Variants in NOL4 observed in about 807,000 individuals in gnomAD.
The protein encoded by NOL4 is cancer/testis antigen 125.
Under a neutral mutation model 75.9 loss-of-function variants are expected in NOL4, and 17 were observed. That is an observed-to-expected ratio of 0.22 (90% CI 0.15 to 0.34). NOL4 has a LOEUF of 0.34. Ranked by LOEUF, NOL4 falls within the 10% of genes least tolerant of loss-of-function variation. The pLI is 1.00. For synonymous variants in NOL4, 292 were observed against 289.9 expected (o/e 1.01, Z -0.07); for missense variants, 614 against 793.5 (o/e 0.77, Z 2.72).
At chr18:33,906,704 C>CT (rs1194201494) in intron 9 of NOL4, among the ~76,000 whole-genome samples, 2 of 151,956 alleles carry the variant, frequency 1.3e-5, no homozygotes, top group Non-Finnish European at 2.9e-5. Context: ...TATTTTAGAA[C>CT]TTTTAAAACA....
At chr18:34,021,199 A>G (rs542462373) in intron 5 of NOL4, among the ~76,000 whole-genome samples, 1 of 152,340 alleles carries the variant, frequency 6.6e-6, no homozygotes, top group Non-Finnish European at 1.5e-5. Context: ...GAGAGACAGA[A>G]AAACAAACAT....
intron 5 of NOL4, among the ~76,000 whole-genome samples, chr18:34,044,368 T>C (rs2076270707): frequency 6.6e-6 from 1 of 152,034 alleles, no homozygotes; most frequent in Admixed American, 6.6e-5. Context: ...GAATATTTAC[T>C]TTTTTCCTTT....
At chr18:34,067,404 A>C (rs1037509499) in intron 5 of NOL4, among the ~76,000 whole-genome samples, 8 of 152,184 alleles carry the variant, frequency 5.3e-5, no homozygotes, top group Admixed American at 1.3e-4. Flanking sequence ...TTGAGTAAAA[A>C]AAGCCATGTG....
chr18:34,187,582 T>C (rs1429212239), intron 1 of NOL4, among the ~76,000 whole-genome samples: 1 of 151,996 alleles, frequency 6.6e-6, no homozygotes, highest in Non-Finnish European at 1.5e-5. Context: ...AGAGACGGGG[T>C]TTCACCGTGT....
At chr18:34,111,801 T>G (rs963049236) in intron 2 of NOL4, among the ~76,000 whole-genome samples, 2 of 152,018 alleles carry the variant, frequency 1.3e-5, no homozygotes, top group African/African-American at 4.8e-5. Context: ...ACCTCACACC[T>G]GTTAGGATCG....
intron 9 of NOL4, among the ~76,000 whole-genome samples, chr18:33,923,467 T>A (rs1026604850): frequency 6.6e-6 from 1 of 152,018 alleles, no homozygotes; most frequent in Non-Finnish European, 1.5e-5. Flanking sequence ...TAACTCATTA[T>A]AAAAGATTAT....
At chr18:33,891,128 C>G (rs1311713446) in intron 9 of NOL4, among the ~76,000 whole-genome samples, 1 of 151,826 alleles carries the variant, frequency 6.6e-6, no homozygotes, top group Admixed American at 6.6e-5. Context: ...TCAGGTTAAG[C>G]TTATTAAATG....
At chr18:33,970,399 T>C (rs777352247) in intron 6 of NOL4, among the ~76,000 whole-genome samples, 2 of 152,188 alleles carry the variant, frequency 1.3e-5, no homozygotes, top group African/African-American at 4.8e-5. Context: ...TGTTTATTAA[T>C]GTTTTGTTGA....
chr18:33,989,253 A>C (rs1004709893), intron 6 of NOL4, among the ~76,000 whole-genome samples: 32 of 151,654 alleles, frequency 2.1e-4, no homozygotes, highest in Non-Finnish European at 3.1e-4. Flanking sequence ...AAGGCCTAAA[A>C]TATAGGCTGG....
At chr18:33,920,441 T>C (rs1374172046) in intron 9 of NOL4, among the ~76,000 whole-genome samples, 2 of 152,248 alleles carry the variant, frequency 1.3e-5, no homozygotes, top group South Asian at 2.1e-4. Flanking sequence ...TAAATTCTTA[T>C]TAGGTATAGC....
intron 1 of NOL4, among the ~76,000 whole-genome samples, chr18:34,171,242 T>G (rs2033005571): frequency 6.6e-6 from 1 of 152,148 alleles, no homozygotes; most frequent in South Asian, 2.1e-4. Context: ...TTAGGTTTTC[T>G]CAGCCTTCTA....
intron 6 of NOL4, among the ~76,000 whole-genome samples, chr18:34,004,344 C>T (rs776572300): frequency 5.3e-5 from 8 of 152,086 alleles, no homozygotes; most frequent in Non-Finnish European, 7.4e-5. Context: ...ACTGGTCACT[C>T]ATATATGGCT....
At chr18:34,176,664 C>A (rs1166902922) in intron 1 of NOL4, among the ~76,000 whole-genome samples, 1 of 152,090 alleles carries the variant, frequency 6.6e-6, no homozygotes, top group Non-Finnish European at 1.5e-5. Context: ...ATATTGAGAG[C>A]ATGAGCGCTC....
chr18:34,188,741 C>G (rs190495822), intron 1 of NOL4, among the ~76,000 whole-genome samples: 1 of 152,324 alleles, frequency 6.6e-6, no homozygotes, highest in Non-Finnish European at 1.5e-5. Context: ...ACAGTTTCTA[C>G]TGAAAGTGTA....
chr18:34,085,322 T>C (rs1229014557), intron 5 of NOL4, among the ~76,000 whole-genome samples: 1 of 152,164 alleles, frequency 6.6e-6, no homozygotes, highest in African/African-American at 2.4e-5. Context: ...CTGAAACTGA[T>C]TGAACTTTGG....
At chr18:34,043,035 A>C (rs2076208336) in intron 5 of NOL4, among the ~76,000 whole-genome samples, 1 of 152,068 alleles carries the variant, frequency 6.6e-6, no homozygotes, top group Admixed American at 6.6e-5. Context: ...ATTACAGTAC[A>C]TGTGTTACAA....
chr18:33,937,606 C>G (rs1315471905), intron 9 of NOL4, among the ~76,000 whole-genome samples: 1 of 152,026 alleles, frequency 6.6e-6, no homozygotes, highest in Non-Finnish European at 1.5e-5. Flanking sequence ...GATCTTCTTG[C>G]TAACATGCAA....
At chr18:33,980,916 T>C (rs905286305) in intron 6 of NOL4, among the ~76,000 whole-genome samples, 39 of 152,022 alleles carry the variant, frequency 2.6e-4, no homozygotes, top group African/African-American at 8.7e-4. Context: ...AAAATAATCA[T>C]GATTAATATT....
intron 9 of NOL4, among the ~76,000 whole-genome samples, chr18:33,898,005 C>A (rs2065516279): frequency 6.6e-6 from 1 of 152,050 alleles, no homozygotes; most frequent in Admixed American, 6.6e-5. Context: ...CCTTGACTTC[C>A]TGGGCAATCC....
Sources: allele counts gnomAD v4.1 joint callset (sites outside exome capture counted in the v4.1 genomes callset), GRCh38; gene constraint gnomAD v4.1.1; transcripts MANE v1.5; gene names NCBI Gene and HGNC (gene_info 2026-07-23, HGNC 2026-07-21).